Variants in STARD3 observed in about 807,000 individuals in gnomAD.
STARD3 encodes the protein stAR-related lipid transfer protein 3.
In STARD3, 39 loss-of-function variants were observed where a neutral mutation model predicts 62.0. That is an observed-to-expected ratio of 0.63 (90% CI 0.49 to 0.82). The LOEUF is 0.82. STARD3 is among the 40% of genes least tolerant of loss of function. STARD3 has a pLI of 0.00. For synonymous variants in STARD3, 229 were observed against 242.4 expected (o/e 0.94, Z 0.51); for missense variants, 543 against 584.5 (o/e 0.93, Z 0.73).
intron 1 of STARD3, among the ~76,000 whole-genome samples, chr17:39,640,054 A>G (rs972268707): frequency 6.6e-6 from 1 of 152,204 alleles, no homozygotes; most frequent in Non-Finnish European, 1.5e-5. Context: ...ATGGACCAGA[A>G]CAGGGTCCTG....
intron 13 of STARD3, 107 bp downstream of exon 13, chr17:39,661,192 C>T (rs2057194125): frequency 2.8e-5 from 27 of 966,662 alleles, no homozygotes; most frequent in South Asian, 6.0e-5. Context: ...GCTGAGGCTG[C>T]GTTCCTGTTC....
chr17:39,653,465 T>C lies in STARD3; in HGVS notation c.-51-16T>C. The C allele has an allele frequency of 6.5e-7, 1 of 1,542,194 alleles. No individual in the cohort carries two copies. The highest frequency in any genetic ancestry group is 1.8e-5 in the Admixed American group (1 of 56,418). On this transcript the variant is annotated splice_polypyrimidine_tract_variant and intron_variant, in intron 1 of 14. Coordinates refer to ENST00000336308, the MANE Select transcript of STARD3 (RefSeq NM_006804.4). ...AGGAGGAGTTTGACAGGACTCTGCC[T>C]CTGCCTCGCCCCCAGCCCTGCTGCT...
chr17:39,654,262 T>G (rs1597795168), intron 2 of STARD3, among the ~76,000 whole-genome samples: 1 of 152,170 alleles, frequency 6.6e-6, no homozygotes, highest in Non-Finnish European at 1.5e-5. Context: ...GCTAGCCAGG[T>G]GTGGTGGTGC....
Position 39,662,978 on chromosome 17 carries a change from T to C in STARD3, c.*70T>C, listed in dbSNP as rs2057218204. Reference sequence around the variant, plus strand: ...CTTCCAGAGCCAGAAAGGGTGCCAGTTGGGCTCGCACTGCCCACATGGGAC... The same window carrying C: ...CTTCCAGAGCCAGAAAGGGTGCCAGCTGGGCTCGCACTGCCCACATGGGAC... On this transcript the variant is annotated 3_prime_UTR_variant, in exon 15 of 15. Coordinates refer to ENST00000336308, the MANE Select transcript of STARD3 (RefSeq NM_006804.4). The C allele has an allele frequency of 1.3e-6, 2 of 1,482,646 alleles. No homozygotes were observed. Among genetic ancestry groups the C allele is most frequent in the African/African-American group, 1.4e-5 (1 of 71,662 alleles). The allele number at this position is 1,482,646 out of a possible 1,614,324, so 91.8% of individuals were successfully genotyped here.
chr17:39,653,206 A>G (rs2057093683), intron 1 of STARD3: 1 of 423,870 alleles, frequency 2.4e-6, no homozygotes, highest in East Asian at 4.7e-5. Context: ...GTAGGTGCCC[A>G]TGCAGAGGGA....
At chr17:39,657,196 G>A in intron 3 of STARD3, 111 bp downstream of exon 3, 1 of 1,087,782 alleles carries the variant, frequency 9.2e-7, no homozygotes, top group Non-Finnish European at 1.4e-6. Flanking sequence ...CAGAGACTCG[G>A]CTCCCATCCT....
Position 39,661,005 on chromosome 17 carries a change from T to C in STARD3, c.1059T>C (p.Ile353=). ...SPRDFVNVRR[I]ERRRDRYLSS... ...GGGACTTCGTGAATGTCCGGCGCATTGAGCGGCGCAGGGACCGATACTTGT... is the reference window on the plus strand; with the variant it reads ...GGGACTTCGTGAATGTCCGGCGCATCGAGCGGCGCAGGGACCGATACTTGT... Residue 353 remains isoleucine (I), a synonymous_variant, in exon 13 of 15, where the codon ATT becomes ATC. Coordinates refer to ENST00000336308, the MANE Select transcript of STARD3 (RefSeq NM_006804.4). The C allele has an allele frequency of 6.2e-7, 1 of 1,613,772 alleles. No homozygotes were observed. Among genetic ancestry groups the C allele is most frequent in the Non-Finnish European group, 8.5e-7 (1 of 1,179,998 alleles).
chr17:39,655,477 C>T (rs907736712), intron 2 of STARD3, among the ~76,000 whole-genome samples: 2 of 152,220 alleles, frequency 1.3e-5, no homozygotes, highest in South Asian at 4.1e-4. Flanking sequence ...AGCCACTGTG[C>T]CTGGCCTCTG....
intron 2 of STARD3, among the ~76,000 whole-genome samples, chr17:39,656,347 C>T (rs546428730): frequency 4.6e-5 from 7 of 152,264 alleles, no homozygotes; most frequent in Non-Finnish European, 1.0e-4. Flanking sequence ...GGAGTCAGGT[C>T]GCAGTCTGGC....
chr17:39,648,416 A>G (rs2057046775), intron 1 of STARD3, among the ~76,000 whole-genome samples: 2 of 152,198 alleles, frequency 1.3e-5, no homozygotes, highest in Admixed American at 1.3e-4. Context: ...ACAGTGAGCC[A>G]TGTTCACGCC....
intron 1 of STARD3, chr17:39,653,265 G>C: frequency 1.8e-6 from 1 of 550,694 alleles, no homozygotes; most frequent in Non-Finnish European, 3.3e-6. Context: ...GCTTGGGGCA[G>C]GGAGCACCAG....
At position 39,648,771 on chromosome 17, in the gene STARD3, C is replaced by T. The variant is rs1045605061; in HGVS notation, c.-51-4710C>T. Among the ~76,000 whole-genome samples, 13 of 152,322 alleles carry T rather than the reference C, an allele frequency of 8.5e-5. No individual in the cohort carries two copies. In the South Asian group the frequency reaches 1.9e-3, roughly 22 times the overall value. On this transcript the variant is annotated intron_variant, in intron 1 of 14. Transcript: ENST00000336308. ...ACACTCCCTGGCATATTTCAACTCTCCCGGGCTCCCGCAACACCTCTGCTC... is the reference window on the plus strand; with the variant it reads ...ACACTCCCTGGCATATTTCAACTCTTCCGGGCTCCCGCAACACCTCTGCTC...
At chr17:39,658,260 T>A (rs1214682036) in intron 5 of STARD3, 145 bp from the exon 6 acceptor site, 1 of 849,074 alleles carries the variant, frequency 1.2e-6, no homozygotes, top group Non-Finnish European at 1.9e-6. Context: ...CAGTTTATCC[T>A]GCTGCAGACT....
Position 39,660,288 on chromosome 17 carries a change from C to T in STARD3, c.858+15C>T, listed in dbSNP as rs143555641. On this transcript the variant is annotated intron_variant, in intron 10 of 14. Transcript: ENST00000336308. This position sits in a 1 kb window ranked among gnomAD's most constrained non-coding sequence, Gnocchi z 4.8. Reference sequence around the variant, plus strand: ...TTATCCTGAAGGTGAGTGAGGGGAGCGGGTGTCCTGGAGCCCCAGACAGCA... The same window carrying T: ...TTATCCTGAAGGTGAGTGAGGGGAGTGGGTGTCCTGGAGCCCCAGACAGCA... 4.4e-4 allele frequency: 714 copies of T among 1,613,960 alleles called. 4 individuals carry two copies. The African/African-American group carries it at 8.1e-3, about 18-fold the overall frequency.
chr17:39,657,664 G>T, intron 3 of STARD3, 111 bp from the exon 4 acceptor site: 1 of 1,122,828 alleles, frequency 8.9e-7, no homozygotes, highest in Non-Finnish European at 1.3e-6. Flanking sequence ...CCCCTGAGGT[G>T]TGCATGCCCA....
chr17:39,661,334 G>C (rs2057195844), intron 13 of STARD3: 1 of 540,646 alleles, frequency 1.8e-6, no homozygotes, highest in Non-Finnish European at 3.3e-6. Flanking sequence ...GCGGTGGCTG[G>C]CTGGGGTAGA....
chr17:39,653,128 G>T (rs2057092818), intron 1 of STARD3: 1 of 232,342 alleles, frequency 4.3e-6, no homozygotes, highest in Non-Finnish European at 8.5e-6. Context: ...CTGTTGACAG[G>T]ACCAGAGGCT....
chr17:39,660,253 G>A lies in STARD3; in HGVS notation c.838G>A (p.Gly280Ser), dbSNP rs191775850. 20 of 1,614,054 alleles carry A rather than the reference G, an allele frequency of 1.2e-5. No individual in the cohort carries two copies. The East Asian group carries it at 2.5e-4, about 20-fold the overall frequency. ...TVYTIEVPFHGKTFILKTFLP... is the reference protein window; with the variant it reads ...TVYTIEVPFHSKTFILKTFLP... Reference sequence around the variant, plus strand: ...GTACACCATTGAAGTTCCCTTTCACGGCAAGACGTTTATCCTGAAGGTGAG... The same window carrying A: ...GTACACCATTGAAGTTCCCTTTCACAGCAAGACGTTTATCCTGAAGGTGAG... Residue 280 changes from glycine (G) to serine (S), a missense_variant, in exon 10 of 15, where the codon GGC becomes AGC. Gly to Ser is a moderately conservative substitution (Grantham distance 56, BLOSUM62 0). Coordinates refer to ENST00000336308, the MANE Select transcript of STARD3 (RefSeq NM_006804.4). The surrounding 1 kb of genome is among the most constrained non-coding windows in gnomAD (Gnocchi z 4.8).
Position 39,661,013 on chromosome 17 carries a change from G to A in STARD3, c.1067G>A (p.Arg356His), listed in dbSNP as rs200528083. The change falls in exon 13 of 15, where the codon CGC becomes CAC. Residue 356 changes from arginine (R) to histidine (H), a missense_variant. Physicochemically the swap from Arg to His is conservative, Grantham distance 29 (BLOSUM62 0). Transcript: ENST00000336308. ...GTGAATGTCCGGCGCATTGAGCGGC[G>A]CAGGGACCGATACTTGTCATCAGGG... ...DFVNVRRIER[R>H]RDRYLSSGIA... is the part of the protein sequence containing the mutation. 6 of 1,613,762 alleles carry A rather than the reference G, an allele frequency of 3.7e-6. No individual in the cohort carries two copies. Among genetic ancestry groups the A allele is most frequent in the East Asian group, 2.2e-5 (1 of 44,874 alleles).
Sources: gnomAD v4.1 joint callset for allele counts (sites outside exome capture counted in the v4.1 genomes callset) on GRCh38, gnomAD v4.1.1 for gene constraint, Gnocchi (gnomAD v3.1) non-coding constraint, MANE v1.5 for transcripts, NCBI Gene and HGNC (gene_info 2026-07-23, HGNC 2026-07-21) for gene names.